The following BMPER variants were observed in gnomAD, a reference collection of about 807,000 sequenced individuals.
BMPER encodes BMP binding endothelial regulator, also known as BMP-binding endothelial regulator protein.
Under a neutral mutation model 87.3 loss-of-function variants are expected in BMPER, and 45 were observed. The ratio of observed to expected loss-of-function variants is 0.52; its 90% CI spans 0.41 to 0.66. The LOEUF (loss-of-function observed/expected upper bound fraction) is 0.66, where lower values mean the gene tolerates loss of function less well. Ranked by LOEUF, BMPER falls within the 30% of genes least tolerant of loss-of-function variation. The pLI is 0.00. For missense variants in BMPER, 784 were observed against 867.5 expected, an observed-to-expected ratio of 0.90 and a Z score of 1.21; for synonymous variants, 326 against 316.2, an observed-to-expected ratio of 1.03 and a Z score of -0.33.
chr7:33,987,402 A>G (rs1786039964), intron 6 of BMPER, among the ~76,000 whole-genome samples: 1 of 152,186 alleles, frequency 6.6e-6, no homozygotes, highest in African/African-American at 2.4e-5. Flanking sequence ...CAAGGAGAAG[A>G]GTACTTCCTC....
Position 33,970,424 on chromosome 7 carries a change from C to T in BMPER, c.493+5C>T, listed in dbSNP as rs191957211. ...TGTGCTGCCCCACATGTCCAGGTAA[C>T]GTTCTCAGGAAGGGGAGGCTGGAAA... On this transcript the variant is annotated splice_donor_5th_base_variant and intron_variant, in intron 5 of 14. Coordinates refer to ENST00000649409, the MANE Select transcript of BMPER (RefSeq NM_001365308.1). The T allele has an allele frequency of 1.7e-3, 2,798 of 1,613,076 alleles. 3 individuals are homozygous for T. Among genetic ancestry groups the T allele is most frequent in the Non-Finnish European group, 2.2e-3 (2,569 of 1,179,042 alleles).
At chr7:33,985,804 T>A (rs893896888) in intron 6 of BMPER, among the ~76,000 whole-genome samples, 2 of 152,168 alleles carry the variant, frequency 1.3e-5, no homozygotes, top group Non-Finnish European at 2.9e-5. Context: ...TTATTGAAGT[T>A]TATATGTGTA....
At chr7:33,927,050 C>T (rs1209287896) in intron 2 of BMPER, among the ~76,000 whole-genome samples, 3 of 152,210 alleles carry the variant, frequency 2.0e-5, no homozygotes, top group Non-Finnish European at 2.9e-5. Context: ...TGGTCAGGGT[C>T]AATTGTGCAG....
intron 6 of BMPER, chr7:34,042,769 G>GA (rs2127956294): frequency 6.6e-6 from 1 of 152,296 alleles, no homozygotes; most frequent in South Asian, 2.1e-4. Flanking sequence ...CTGAAGGATA[G>GA]AAGGCACAGA....
intron 2 of BMPER, among the ~76,000 whole-genome samples, chr7:33,928,082 G>A (rs775875531): frequency 7.9e-5 from 12 of 152,130 alleles, no homozygotes; most frequent in Non-Finnish European, 1.8e-4. Flanking sequence ...CTTCCCAGGA[G>A]TCTTTTGGAA....
chr7:34,105,771 G>A (rs961431832), intron 13 of BMPER, among the ~76,000 whole-genome samples: 10 of 152,136 alleles, frequency 6.6e-5, no homozygotes, highest in South Asian at 4.2e-4. Flanking sequence ...CTGGGGACAC[G>A]TCTTCTTTCA....
intron 2 of BMPER, 109 bp downstream of exon 2, chr7:33,907,012 A>T: frequency 9.4e-7 from 1 of 1,060,620 alleles, no homozygotes; most frequent in Non-Finnish European, 1.4e-6. Context: ...ATCATTACAA[A>T]ATTGCACATA....
intron 12 of BMPER, among the ~76,000 whole-genome samples, chr7:34,082,669 AC>A (rs1789085055): frequency 6.6e-6 from 1 of 152,146 alleles, no homozygotes; most frequent in Non-Finnish European, 1.5e-5. Context: ...AAGTGTATGG[AC>A]CACCAGTCCA....
At chr7:34,123,178 A>G (rs1189006960) in intron 13 of BMPER, among the ~76,000 whole-genome samples, 4 of 152,146 alleles carry the variant, frequency 2.6e-5, no homozygotes, top group South Asian at 2.1e-4. Flanking sequence ...GTAATGTGCA[A>G]TTTTAAGGTT....
At chr7:34,030,218 C>T (rs1657861067) in intron 6 of BMPER, among the ~76,000 whole-genome samples, 1 of 151,924 alleles carries the variant, frequency 6.6e-6, no homozygotes, top group Admixed American at 6.6e-5. Flanking sequence ...ACTTGTTTAA[C>T]TAATAATTGT....
intron 9 of BMPER, among the ~76,000 whole-genome samples, 179 bp from the exon 10 acceptor site, chr7:34,057,880 C>A (rs985752423): frequency 1.3e-5 from 2 of 151,796 alleles, no homozygotes; most frequent in Non-Finnish European, 2.9e-5. Context: ...AATCTGAAAT[C>A]TTCACTAATC....
chr7:33,997,606 C>T (rs1038529847), intron 6 of BMPER, among the ~76,000 whole-genome samples: 2 of 152,166 alleles, frequency 1.3e-5, no homozygotes, highest in African/African-American at 2.4e-5. Context: ...GTCAATTAAA[C>T]CTCTTTCCTC....
At chr7:34,139,916 G>A (rs1225044469) in intron 13 of BMPER, among the ~76,000 whole-genome samples, 1 of 152,026 alleles carries the variant, frequency 6.6e-6, no homozygotes, top group African/African-American at 2.4e-5. Context: ...TAGGTTTGAA[G>A]CCTATATTCA....
chr7:33,980,181 A>G (rs185326739), intron 6 of BMPER, among the ~76,000 whole-genome samples: 1 of 152,290 alleles, frequency 6.6e-6, no homozygotes, highest in East Asian at 1.9e-4. Context: ...ATCCCTGTTT[A>G]CCCATTGTAG....
chr7:33,998,845 T>C (rs987740739), intron 6 of BMPER, among the ~76,000 whole-genome samples: 1 of 152,212 alleles, frequency 6.6e-6, no homozygotes, highest in Non-Finnish European at 1.5e-5. Flanking sequence ...CAGTCTAATT[T>C]AGAAGCCAAA....
intron 13 of BMPER, among the ~76,000 whole-genome samples, chr7:34,138,271 T>C (rs1466023533): frequency 6.6e-6 from 1 of 152,166 alleles, no homozygotes; most frequent in Non-Finnish European, 1.5e-5. Context: ...TTGTGTTTAA[T>C]TGGATTTCAG....
chr7:34,156,000 C>G lies in BMPER; in HGVS notation c.*2727C>G, dbSNP rs1021219820. The G allele has an allele frequency of 9.9e-5, 15 of 152,104 alleles. No individual in the cohort carries two copies. Among genetic ancestry groups the G allele is most frequent in the African/African-American group, 3.6e-4 (15 of 41,398 alleles). The allele number at this position is 152,104 out of a possible 1,614,324, so 9.4% of individuals were successfully genotyped here. On this transcript the variant is annotated 3_prime_UTR_variant, in exon 15 of 15. Coordinates refer to ENST00000649409, the MANE Select transcript of BMPER (RefSeq NM_001365308.1). Reference sequence around the variant, plus strand: ...TCTGTAAATAGGAATATTTGAGGGTCCTGACCTAAAATTTTTTAGCTGGGA... The same window carrying G: ...TCTGTAAATAGGAATATTTGAGGGTGCTGACCTAAAATTTTTTAGCTGGGA...
At chr7:33,954,479 G>A (rs1464989677) in intron 3 of BMPER, among the ~76,000 whole-genome samples, 1 of 152,152 alleles carries the variant, frequency 6.6e-6, no homozygotes, top group Non-Finnish European at 1.5e-5. Flanking sequence ...TGACCACGGT[G>A]GAAGTATTCA....
At chr7:34,000,908 G>C (rs758987187) in intron 6 of BMPER, among the ~76,000 whole-genome samples, 1 of 151,886 alleles carries the variant, frequency 6.6e-6, no homozygotes, top group Non-Finnish European at 1.5e-5. Context: ...ATAGGTGCTG[G>C]ATTTTGTTAA....
Sources: gnomAD v4.1 joint callset for allele counts (sites outside exome capture counted in the v4.1 genomes callset) on GRCh38, gnomAD v4.1.1 for gene constraint, MANE v1.5 for transcripts, NCBI Gene and HGNC (gene_info 2026-07-23, HGNC 2026-07-21) for gene names.